The following MARCHF1 variants were observed in gnomAD, a reference collection of about 807,000 sequenced individuals.
MARCHF1 encodes the protein E3 ubiquitin-protein ligase MARCHF1.
In MARCHF1, 40 loss-of-function variants were observed where a neutral mutation model predicts 54.2. The observed-to-expected ratio is 0.74, with a 90% confidence interval of 0.57 to 0.96. The LOEUF is 0.96. MARCHF1 is among the 40% of genes least tolerant of loss of function. MARCHF1 has a pLI of 0.00. For synonymous variants in MARCHF1, 236 were observed against 236.3 expected (o/e 1.00, Z 0.01); for missense variants, 586 against 656.5 (o/e 0.89, Z 1.17).
intron 4 of MARCHF1, among the ~76,000 whole-genome samples, chr4:163,758,395 TC>T (rs1420739950): frequency 6.6e-6 from 1 of 152,200 alleles, no homozygotes; most frequent in African/African-American, 2.4e-5. Flanking sequence ...CAGATCCAGT[TC>T]AACCAAGGAC....
chr4:163,861,605 G>A, intron 3 of MARCHF1, among the ~76,000 whole-genome samples: 1 of 152,072 alleles, frequency 6.6e-6, no homozygotes, highest in East Asian at 1.9e-4. Context: ...GAGACATTCT[G>A]TGTTCATGGA....
chr4:163,815,421 T>G (rs1748506811), intron 4 of MARCHF1, among the ~76,000 whole-genome samples: 1 of 152,218 alleles, frequency 6.6e-6, no homozygotes, highest in African/African-American at 2.4e-5. Flanking sequence ...AGTAATGCAC[T>G]GTACTGGTTG....
intron 1 of MARCHF1, among the ~76,000 whole-genome samples, chr4:164,221,844 A>G (rs1262177454): frequency 6.6e-6 from 1 of 152,002 alleles, no homozygotes; most frequent in African/African-American, 2.4e-5. Context: ...AATGAGTCAT[A>G]TGTCCACTCC....
intron 1 of MARCHF1, among the ~76,000 whole-genome samples, chr4:164,250,562 A>T (rs1173740065): frequency 1.3e-5 from 2 of 152,064 alleles, no homozygotes; most frequent in African/African-American, 4.8e-5. Context: ...AATAAAGTTA[A>T]CATCACTTAT....
intron 1 of MARCHF1, among the ~76,000 whole-genome samples, chr4:164,330,710 T>G (rs1351277753): frequency 6.6e-6 from 1 of 152,162 alleles, no homozygotes; most frequent in Non-Finnish European, 1.5e-5. Context: ...AATGCAAGGC[T>G]AACTGATACA....
chr4:164,012,253 C>T (rs1753437302), intron 2 of MARCHF1, among the ~76,000 whole-genome samples: 2 of 152,108 alleles, frequency 1.3e-5, no homozygotes, highest in Non-Finnish European at 2.9e-5. Context: ...AGTGTCACCC[C>T]TCCTACAACT....
intron 1 of MARCHF1, among the ~76,000 whole-genome samples, chr4:164,288,689 C>T (rs897858231): frequency 1.3e-5 from 2 of 151,860 alleles, no homozygotes; most frequent in African/African-American, 4.8e-5. Flanking sequence ...AATTATCTCC[C>T]CATGGTTATA....
At chr4:163,722,838 G>A (rs1367907732) in intron 4 of MARCHF1, among the ~76,000 whole-genome samples, 1 of 152,154 alleles carries the variant, frequency 6.6e-6, no homozygotes, top group African/African-American at 2.4e-5. Context: ...CAGAGACTAG[G>A]ATTGCAACCC....
intron 3 of MARCHF1, among the ~76,000 whole-genome samples, chr4:163,919,247 G>A (rs1377655882): frequency 1.3e-5 from 2 of 152,026 alleles, no homozygotes; most frequent in East Asian, 1.9e-4. Context: ...GGAGAAAGAT[G>A]TTAAACCTAG....
intron 2 of MARCHF1, among the ~76,000 whole-genome samples, chr4:163,996,100 TAGTTA>T (rs1222095200): frequency 6.6e-6 from 1 of 151,912 alleles, no homozygotes; most frequent in Admixed American, 6.6e-5. Context: ...ACTGAAGGAA[TAGTTA>T]AGTTTGAGGG....
intron 4 of MARCHF1, among the ~76,000 whole-genome samples, chr4:163,803,794 A>G (rs1748150233): frequency 1.3e-5 from 2 of 152,154 alleles, no homozygotes; most frequent in Non-Finnish European, 2.9e-5. Context: ...TCAAGAGTAT[A>G]CTTTGGCAAA....
Position 163,951,637 on chromosome 4 carries a change from A to G in MARCHF1, c.-39+36864T>C, listed in dbSNP as rs532759934. Among the ~76,000 whole-genome samples the G allele has an allele frequency of 4.6e-5, 7 of 152,334 alleles. No homozygotes were observed. The South Asian group carries it at 1.5e-3, about 32-fold the overall frequency. On this transcript the variant is annotated intron_variant, in intron 3 of 9. Coordinates refer to ENST00000514618, the MANE Select transcript of MARCHF1 (RefSeq NM_001394959.1). ...AGAAAGGTAAAGCAGACGGGACCAGAGTAATTGTCAAAGGTAAGTGCTGTA... is the reference window on the plus strand; with the variant it reads ...AGAAAGGTAAAGCAGACGGGACCAGGGTAATTGTCAAAGGTAAGTGCTGTA...
chr4:163,558,522 C>A (rs2110967477), intron 8 of MARCHF1, among the ~76,000 whole-genome samples: 1 of 152,130 alleles, frequency 6.6e-6, no homozygotes. Flanking sequence ...GATTTAGGGA[C>A]AAAAATCTAG....
intron 1 of MARCHF1, among the ~76,000 whole-genome samples, chr4:164,221,482 C>T (rs1429624115): frequency 1.3e-5 from 2 of 151,762 alleles, no homozygotes; most frequent in Non-Finnish European, 2.9e-5. Flanking sequence ...TAACGAATTC[C>T]CTACATCCAC....
intron 4 of MARCHF1, among the ~76,000 whole-genome samples, chr4:163,726,928 C>T (rs1259127158): frequency 6.6e-6 from 1 of 152,140 alleles, no homozygotes; most frequent in Non-Finnish European, 1.5e-5. Flanking sequence ...ATTTTCTTAT[C>T]GTTGAGTTTT....
At chr4:163,876,162 G>A (rs931086343) in intron 3 of MARCHF1, among the ~76,000 whole-genome samples, 2 of 152,006 alleles carry the variant, frequency 1.3e-5, no homozygotes, top group East Asian at 1.9e-4. Flanking sequence ...AGCCTTAACC[G>A]TGTCACCACA....
chr4:163,991,226 A>C (rs909411005), intron 2 of MARCHF1, among the ~76,000 whole-genome samples: 1 of 152,192 alleles, frequency 6.6e-6, no homozygotes, highest in African/African-American at 2.4e-5. Flanking sequence ...ACTTAAGAAA[A>C]ATTAATAATC....
At chr4:163,988,893 G>A (rs1752919294) in intron 2 of MARCHF1, 184 bp from the exon 3 acceptor site, 1 of 152,120 alleles carries the variant, frequency 6.6e-6, no homozygotes. Flanking sequence ...TTTGTCACTG[G>A]AGCACCCCCT....
chr4:163,910,633 T>C (rs1304285325), intron 3 of MARCHF1, among the ~76,000 whole-genome samples: 1 of 152,188 alleles, frequency 6.6e-6, no homozygotes, highest in Non-Finnish European at 1.5e-5. Context: ...TAGCTGGGAT[T>C]ACTGGCACCC....
Sources: allele counts gnomAD v4.1 joint callset (sites outside exome capture counted in the v4.1 genomes callset), GRCh38; gene constraint gnomAD v4.1.1; transcripts MANE v1.5; gene names NCBI Gene and HGNC (gene_info 2026-07-23, HGNC 2026-07-21).